The following BPI variants were observed in gnomAD, a reference collection of about 807,000 sequenced individuals.
BPI encodes bactericidal permeability increasing protein, also known as bactericidal permeability-increasing protein.
In BPI, 48 loss-of-function variants were observed where a neutral mutation model predicts 57.6. The ratio of observed to expected loss-of-function variants is 0.83; its 90% confidence interval spans 0.66 to 1.06. The LOEUF (loss-of-function observed/expected upper bound fraction) is 1.06. BPI is among the 50% of genes least tolerant of loss of function. The probability of loss-of-function intolerance (pLI) is 0.00; values close to 1 mark genes in which losing one functional copy is unlikely to be tolerated. For synonymous variants in BPI, 237 were observed against 238.2 expected (o/e 0.99, Z 0.05); for missense variants, 651 against 609.7 (o/e 1.07, Z -0.71).
Position 38,334,513 on chromosome 20 carries a change from C to T in BPI, c.1336+20C>T. On this transcript the variant is annotated intron_variant, in intron 13 of 14. Coordinates refer to ENST00000642449, the MANE Select transcript of BPI (RefSeq NM_001725.3). ...TTAACGGTAAGGAACTTTGAAGAAA[C>T]CATTCATTTTCAGTCATGGGGGAAG... The T allele has an allele frequency of 1.2e-6, 2 of 1,606,856 alleles. No individual in the cohort carries two copies. Among genetic ancestry groups the T allele is most frequent in the African/African-American group, 2.7e-5 (2 of 74,870 alleles).
At chr20:38,329,935 C>T (rs1294280808) in intron 11 of BPI, among the ~76,000 whole-genome samples, 3 of 152,164 alleles carry the variant, frequency 2.0e-5, no homozygotes, top group Non-Finnish European at 4.4e-5. Context: ...TAGTCTTGAA[C>T]TCCTGACTTC....
chr20:38,332,128 G>A lies in BPI; in HGVS notation c.1272+1038G>A, dbSNP rs74866055. 6.3e-3 allele frequency among the ~76,000 whole-genome samples: 958 copies of A among 152,312 alleles called. 10 individuals carry two copies. Among genetic ancestry groups the A allele is most frequent in the African/African-American group, 0.022 (908 of 41,566 alleles). ...GCAAGTAGGGGGCATCGGAAGAGAT[G>A]TGGCCAGAGGGGCAAGCACAGGCTA... On this transcript the variant is annotated intron_variant, in intron 12 of 14. Coordinates refer to ENST00000642449, the MANE Select transcript of BPI (RefSeq NM_001725.3).
intron 14 of BPI, among the ~76,000 whole-genome samples, chr20:38,336,519 C>T (rs916877357): frequency 6.6e-6 from 1 of 152,100 alleles, no homozygotes; most frequent in African/African-American, 2.4e-5. Context: ...TTGCATTTCT[C>T]ACCTTGGTCA....
chr20:38,322,737 T>C (rs552875116), intron 7 of BPI, among the ~76,000 whole-genome samples: 22 of 152,274 alleles, frequency 1.4e-4, no homozygotes, highest in African/African-American at 4.8e-4. Context: ...CAGCCTCCGG[T>C]CACTGGGATT....
intron 7 of BPI, among the ~76,000 whole-genome samples, chr20:38,323,242 T>C (rs1323814389): frequency 1.3e-5 from 2 of 152,212 alleles, no homozygotes; most frequent in Non-Finnish European, 2.9e-5. Flanking sequence ...ACCATATGTA[T>C]CCATCTATAA....
chr20:38,318,330 C>T, intron 5 of BPI, 83 bp from the exon 6 acceptor site: 1 of 1,406,650 alleles, frequency 7.1e-7, no homozygotes, highest in Non-Finnish European at 1.0e-6. Context: ...TCAAGGAAAG[C>T]AAGGCATATC....
chr20:38,305,879 G>A (rs1044498346), intron 1 of BPI, among the ~76,000 whole-genome samples: 17 of 152,134 alleles, frequency 1.1e-4, no homozygotes, highest in African/African-American at 3.4e-4. Context: ...AACTGGCTCC[G>A]AGAAAACCCA....
At chr20:38,314,741 G>A in intron 5 of BPI, among the ~76,000 whole-genome samples, 1 of 147,696 alleles carries the variant, frequency 6.8e-6, no homozygotes, top group East Asian at 2.1e-4. Context: ...TGGTGATGGT[G>A]GGGATGATGA....
chr20:38,323,106 T>C (rs1429570907), intron 7 of BPI, among the ~76,000 whole-genome samples: 3 of 152,216 alleles, frequency 2.0e-5, no homozygotes, highest in African/African-American at 4.8e-5. Flanking sequence ...TAGAAATAAC[T>C]AACGAGGCCC....
intron 1 of BPI, among the ~76,000 whole-genome samples, chr20:38,305,898 G>T (rs1009651693): frequency 6.6e-6 from 1 of 152,018 alleles, no homozygotes; most frequent in Non-Finnish European, 1.5e-5. Context: ...CAAAGTCTGG[G>T]CTCCCTCATC....
intron 5 of BPI, among the ~76,000 whole-genome samples, chr20:38,317,415 T>C (rs2076657361): frequency 6.6e-6 from 1 of 152,208 alleles, no homozygotes; most frequent in African/African-American, 2.4e-5. Flanking sequence ...AAGTTCCATG[T>C]TAGAATTACC....
chr20:38,331,113 C>T, intron 12 of BPI, 23 bp downstream of exon 12: 2 of 1,611,380 alleles, frequency 1.2e-6, no homozygotes, highest in Non-Finnish European at 1.7e-6. Flanking sequence ...CCCTTGGTGG[C>T]TTCTTCCTCC....
chr20:38,335,713 A>T, intron 14 of BPI, 39 bp downstream of exon 14: 1 of 1,588,518 alleles, frequency 6.3e-7, no homozygotes, highest in Non-Finnish European at 8.6e-7. Context: ...TCCCCTAACG[A>T]TAGTGACCAA....
chr20:38,320,382 A>T, intron 7 of BPI, 108 bp downstream of exon 7: 3 of 893,832 alleles, frequency 3.4e-6, no homozygotes, highest in East Asian at 2.9e-5. Context: ...TTCCTATCTG[A>T]CTCACCACCA....
rs537205807 is a variant in BPI at position 38,309,118 on chromosome 20, G to A, written c.374+60G>A. The A allele has an allele frequency of 3.1e-6, 5 of 1,607,468 alleles. No homozygotes were observed. The African/African-American group carries it at 5.3e-5, about 17-fold the overall frequency. ...TCTTGGTGATATTTGGACGGGATTA[G>A]AGAGTCAGCGTCTCTGGAATGCCCA... On this transcript the variant is annotated intron_variant, in intron 3 of 14. Transcript: ENST00000642449.
intron 4 of BPI, among the ~76,000 whole-genome samples, chr20:38,311,469 T>C (rs1339680824): frequency 6.6e-6 from 1 of 152,148 alleles, no homozygotes; most frequent in Non-Finnish European, 1.5e-5. Flanking sequence ...GAAATGACAT[T>C]TGAACTGAGA....
In BPI at chr20:38,326,314, C is replaced by G; in HGVS notation, c.1043C>G (p.Ser348Cys). 1 of 1,614,060 alleles carries G rather than the reference C, an allele frequency of 6.2e-7. No homozygotes were observed. Among genetic ancestry groups the G allele is most frequent in the Non-Finnish European group, 8.5e-7 (1 of 1,179,960 alleles). Reference protein sequence around the residue: ...NMKIQIHVSASTPPHLSVQPT... With the variant: ...NMKIQIHVSACTPPHLSVQPT... ...AAGATACAGATCCATGTCTCAGCCT[C>G]CACCCCGCCACACCTGTCTGTGCAG... The change falls in exon 10 of 15, where the codon TCC becomes TGC. Residue 348 changes from serine (S) to cysteine (C), a missense_variant. Ser to Cys is a moderately radical substitution (Grantham distance 112, BLOSUM62 -1). Coordinates refer to ENST00000642449, the MANE Select transcript of BPI (RefSeq NM_001725.3).
chr20:38,308,565 G>A (rs554789457), intron 2 of BPI, among the ~76,000 whole-genome samples: 2 of 152,356 alleles, frequency 1.3e-5, no homozygotes, highest in African/African-American at 4.8e-5. Context: ...CTTCTGTACA[G>A]AGCTTCCAGT....
intron 5 of BPI, chr20:38,317,506 GCC>G: frequency 1.7e-6 from 1 of 594,028 alleles, no homozygotes; most frequent in East Asian, 2.9e-5. Context: ...ATTGACCCAA[GCC>G]ACTTCCATGG....
Sources: allele counts gnomAD v4.1 joint callset (sites outside exome capture counted in the v4.1 genomes callset), GRCh38; gene constraint gnomAD v4.1.1; transcripts MANE v1.5; gene names NCBI Gene and HGNC (gene_info 2026-07-23, HGNC 2026-07-21).